MOBP: variants seen among roughly 807,000 people sequenced by gnomAD.
MOBP encodes myelin-associated oligodendrocyte basic protein.
MOBP carries 5 observed loss-of-function variants against 15.0 expected under a neutral mutation model. The ratio of observed to expected loss-of-function variants is 0.33; its 90% CI spans 0.17 to 0.70. The LOEUF is 0.70. MOBP is among the 30% of genes least tolerant of loss of function. The pLI, the probability that MOBP is intolerant of heterozygous loss-of-function variation, is 0.67. For synonymous variants in MOBP, 88 were observed against 99.0 expected, an observed-to-expected ratio of 0.89 and a Z score of 0.66; for missense variants, 188 against 257.8, an observed-to-expected ratio of 0.73 and a Z score of 1.85.
intron 2 of MOBP, among the ~76,000 whole-genome samples, chr3:39,494,931 C>A (rs908307647): frequency 6.6e-6 from 1 of 152,002 alleles, no homozygotes; most frequent in Non-Finnish European, 1.5e-5. Context: ...GTTCAGAGTT[C>A]AAGAGTCCAG....
rs780420451 is a variant in MOBP, at chr3:39,502,266, A to G, written c.197A>G (p.Gln66Arg). The G allele has an allele frequency of 3.7e-6, 6 of 1,614,166 alleles. No homozygotes were observed. The Admixed American group carries it at 1.0e-4, about 27-fold the overall frequency. Reference protein sequence around the residue: ...KEEDWICCACQKTRTSRRAKS... With the variant: ...KEEDWICCACRKTRTSRRAKS... Reference sequence around the variant, plus strand: ...GAGGACTGGATCTGCTGCGCCTGCCAGAAGACCAGGTAAGCGGCCGCCCAG... The same window carrying G: ...GAGGACTGGATCTGCTGCGCCTGCCGGAAGACCAGGTAAGCGGCCGCCCAG... The change falls in exon 3 of 4, where the codon CAG becomes CGG. Residue 66 changes from glutamine to arginine, a missense_variant. Gln to Arg is a conservative substitution (Grantham distance 43). Coordinates refer to ENST00000684792, the MANE Select transcript of MOBP (RefSeq NM_001393704.1). The surrounding 1 kb of genome is among the most constrained non-coding windows in gnomAD (Gnocchi z 6.3).
intron 2 of MOBP, among the ~76,000 whole-genome samples, chr3:39,484,941 T>C (rs956957832): frequency 6.6e-6 from 1 of 152,198 alleles, no homozygotes; most frequent in Non-Finnish European, 1.5e-5. Flanking sequence ...AGCAAAACAA[T>C]GAGGGCATTT....
chr3:39,511,737 T>G lies in MOBP; in HGVS notation c.*-1646T>G, dbSNP rs116950622. ...AAGTCAGGGTCAGAGAATCTTACAC[T>G]CATCCCCCCAGGGCCTCACTCAGGG... On this transcript the variant is annotated intron_variant, in intron 4 of 4. Coordinates refer to the MOBP transcript ENST00000311042. Among the ~76,000 whole-genome samples the G allele has an allele frequency of 2.1e-3, 317 of 152,266 alleles. 4 individuals carry two copies. In the East Asian group the frequency reaches 0.035, roughly 17 times the overall value.
chr3:39,500,421 C>T (rs1183329121), intron 2 of MOBP, among the ~76,000 whole-genome samples: 3 of 152,014 alleles, frequency 2.0e-5, no homozygotes, highest in Non-Finnish European at 1.5e-5. Context: ...GAAAGATTTG[C>T]CAAAAGCAGA....
At chr3:39,517,721 A>G (rs1407281063), downstream of MOBP, 1 of 152,248 alleles carries the variant, frequency 6.6e-6, no homozygotes, top group Non-Finnish European at 1.5e-5. Flanking sequence ...CTTAGGCAAC[A>G]GTTTACTACC....
chr3:39,468,147 A>T (rs1196798660), intron 1 of MOBP, among the ~76,000 whole-genome samples: 1 of 150,354 alleles, frequency 6.7e-6, no homozygotes, highest in Non-Finnish European at 1.5e-5. Flanking sequence ...TTTTCTTCTT[A>T]TCTAGGAACA....
downstream of MOBP, among the ~76,000 whole-genome samples, chr3:39,520,857 CTCAAGT>C (rs1291281153): frequency 6.6e-6 from 1 of 152,182 alleles, no homozygotes; most frequent in Non-Finnish European, 1.5e-5. Flanking sequence ...ACTTGAAAAA[CTCAAGT>C]TGTCTGTGAA....
chr3:39,521,929 T>C (rs2043273473), intron 3 of MOBP, among the ~76,000 whole-genome samples: 1 of 152,212 alleles, frequency 6.6e-6, no homozygotes, highest in Non-Finnish European at 1.5e-5. Flanking sequence ...TGACAAGTGC[T>C]CATTTTAATT....
chr3:39,490,968 A>G (rs1209077363), intron 2 of MOBP, among the ~76,000 whole-genome samples: 1 of 152,152 alleles, frequency 6.6e-6, no homozygotes, highest in African/African-American at 2.4e-5. Context: ...AAGGAAAGGG[A>G]AGGTTTAGGA....
intron 2 of MOBP, among the ~76,000 whole-genome samples, chr3:39,487,682 C>A (rs745515881): frequency 9.9e-5 from 15 of 151,840 alleles, no homozygotes; most frequent in Admixed American, 2.6e-4. Flanking sequence ...AGCCACCACG[C>A]CTGGCTAATT....
chr3:39,520,484 G>A (rs2043251661), downstream of MOBP, among the ~76,000 whole-genome samples: 1 of 151,780 alleles, frequency 6.6e-6, no homozygotes. Context: ...AATTTCTGCA[G>A]TCCAGAGAAG....
chr3:39,520,815 T>G (rs1391444922), downstream of MOBP, among the ~76,000 whole-genome samples: 2 of 152,206 alleles, frequency 1.3e-5, no homozygotes, highest in Non-Finnish European at 2.9e-5. Context: ...GAGGTTTGGC[T>G]GGCAATTCAC....
At chr3:39,480,580 G>A (rs2042614170) in intron 2 of MOBP, among the ~76,000 whole-genome samples, 2 of 152,156 alleles carry the variant, frequency 1.3e-5, no homozygotes, top group Non-Finnish European at 2.9e-5. Flanking sequence ...GGTTTGAGAG[G>A]GGGGTCAGTG....
At chr3:39,483,972 G>T (rs946411) in intron 2 of MOBP, among the ~76,000 whole-genome samples, 6,996 of 152,244 alleles carry the variant, frequency 0.046, 252 homozygotes, top group African/African-American at 0.097. Context: ...CAGTGTCAAC[G>T]TTCGTTCATT....
chr3:39,484,824 G>T (rs2042678098), intron 2 of MOBP, among the ~76,000 whole-genome samples: 1 of 152,198 alleles, frequency 6.6e-6, no homozygotes, highest in Non-Finnish European at 1.5e-5. Flanking sequence ...CTGGAAGCAG[G>T]TAGAGTTTGT....
At chr3:39,522,522 T>TC (rs1233037721) in intron 3 of MOBP, among the ~76,000 whole-genome samples, 4 of 152,220 alleles carry the variant, frequency 2.6e-5, no homozygotes, top group Non-Finnish European at 5.9e-5. Context: ...TGGCCTTAAA[T>TC]CCCCCTCTGA....
intron 2 of MOBP, among the ~76,000 whole-genome samples, chr3:39,480,612 G>C (rs1192350341): frequency 6.6e-6 from 1 of 152,176 alleles, no homozygotes; most frequent in African/African-American, 2.4e-5. Context: ...GCCACCTTAG[G>C]CCACTGTGCC....
chr3:39,476,592 T>C (rs2042548669), intron 1 of MOBP, among the ~76,000 whole-genome samples: 1 of 152,230 alleles, frequency 6.6e-6, no homozygotes, highest in Admixed American at 6.5e-5. Context: ...TAGGATTATC[T>C]ACACTATTTT....
At chr3:39,480,315 TA>T (rs1259944149) in intron 2 of MOBP, among the ~76,000 whole-genome samples, 192 bp downstream of exon 2, 1 of 151,812 alleles carries the variant, frequency 6.6e-6, no homozygotes, top group Non-Finnish European at 1.5e-5. Context: ...AGCAGAAATA[TA>T]AAAAAAAATT....
Sources: gnomAD v4.1 joint callset for allele counts (sites outside exome capture counted in the v4.1 genomes callset) on GRCh38, gnomAD v4.1.1 for gene constraint, Gnocchi (gnomAD v3.1) non-coding constraint, MANE v1.5 for transcripts, NCBI Gene and HGNC (gene_info 2026-07-23, HGNC 2026-07-21) for gene names.